RBM5: variants seen among roughly 807,000 people sequenced by gnomAD.
RBM5 encodes RNA binding motif protein 5, also known as RNA-binding protein 5.
A neutral mutation model predicts 124.6 loss-of-function variants in RBM5; 15 were observed. The ratio of observed to expected loss-of-function variants is 0.12; its 90% CI spans 0.08 to 0.19. The LOEUF (loss-of-function observed/expected upper bound fraction) is 0.19, where lower values mean the gene tolerates loss of function less well. Among genes scored for constraint, RBM5 ranks in the 10% least tolerant of loss-of-function variants. The pLI is 1.00. For missense variants in RBM5, 580 were observed against 1,026.5 expected (o/e 0.57, Z 5.94); for synonymous variants, 337 against 361.2 (o/e 0.93, Z 0.76).
chr3:50,104,584 A>C, intron 8 of RBM5: 1 of 417,498 alleles, frequency 2.4e-6, no homozygotes, highest in Middle Eastern at 7.1e-4. Flanking sequence ...TGAAGGCTGC[A>C]GTGAGCTATG....
chr3:50,115,933 A>T lies in RBM5; in HGVS notation c.2047A>T (p.Arg683Trp). The T allele has an allele frequency of 6.2e-7, 1 of 1,614,012 alleles. No individual in the cohort carries two copies. Among genetic ancestry groups the T allele is most frequent in the Non-Finnish European group, 8.5e-7 (1 of 1,179,850 alleles). Residue 683 changes from arginine to tryptophan, a missense_variant, in exon 22 of 25, where the codon AGG becomes TGG. Arg to Trp is a moderately radical substitution (Grantham distance 101). Around this residue, in one of 6 missense-constraint regions of RBM5, gnomAD observed 234 missense variants for 435.1 expected, o/e 0.54. Transcript: ENST00000347869. ...KQNMDIYRRS[R>W]LSEQELEALE... ...AAACATGGACATCTATCGACGATCC[A>T]GGCTGAGCGAGCAGGAGCTGGAAGC...
In RBM5 at chr3:50,113,945, A is replaced by G. The variant is rs750044412; in HGVS notation, c.1618-5A>G. 1.2e-6 allele frequency: 2 copies of G among 1,609,712 alleles called. No individual in the cohort carries two copies. Among genetic ancestry groups the G allele is most frequent in the Non-Finnish European group, 1.7e-6 (2 of 1,178,370 alleles). ...TTTTTGTTGGTGTTTGTTGTTTGAC[A>G]TTAGATTGCCAAAGACATGGAACGC... On this transcript the variant is annotated splice_region_variant and splice_polypyrimidine_tract_variant and intron_variant, in intron 18 of 24. Coordinates refer to ENST00000347869, the MANE Select transcript of RBM5 (RefSeq NM_005778.4).
At chr3:50,115,830 A>G in intron 21 of RBM5, 76 bp from the exon 22 acceptor site, 2 of 1,376,994 alleles carry the variant, frequency 1.5e-6, no homozygotes, top group Admixed American at 3.4e-5. Context: ...AAAGTACAGT[A>G]GATGTTACTA....
intron 14 of RBM5, 121 bp downstream of exon 14, chr3:50,108,425 A>G: frequency 2.0e-6 from 2 of 1,008,140 alleles, no homozygotes; most frequent in Non-Finnish European, 3.0e-6. Context: ...TGTAGGGGGC[A>G]TGGCCGGGCA....
In RBM5 at chr3:50,100,355, C is replaced by T. The variant is rs529077828; in HGVS notation, c.410-177C>T. 1.6e-5 allele frequency: 9 copies of T among 578,714 alleles called. No individual in the cohort carries two copies. Among genetic ancestry groups the T allele is most frequent in the Non-Finnish European group, 2.1e-5 (7 of 331,400 alleles). The allele number at this position is 578,714 out of a possible 1,614,324, so 35.8% of individuals were successfully genotyped here. ...CAAATGGAGTGGCATTTAGTTCAGG[C>T]GGCTTGTTCCTTGCCATGGCAAAGT... On this transcript the variant is annotated intron_variant, in intron 5 of 24. Coordinates refer to ENST00000347869, the MANE Select transcript of RBM5 (RefSeq NM_005778.4). This position sits in a 1 kb window ranked among gnomAD's most constrained non-coding sequence, Gnocchi z 5.1.
At chr3:50,116,076 A>G in intron 22 of RBM5, 96 bp downstream of exon 22, 1 of 1,232,276 alleles carries the variant, frequency 8.1e-7, no homozygotes, top group Admixed American at 1.8e-5. Context: ...GGGGCAGGGT[A>G]GGAGGATTTG....
At chr3:50,104,171 C>G in intron 7 of RBM5, 77 bp from the exon 8 acceptor site, 2 of 1,215,124 alleles carry the variant, frequency 1.6e-6, no homozygotes, top group Non-Finnish European at 2.4e-6. Flanking sequence ...GGGACCTACC[C>G]GTGGCCCCAC....
chr3:50,111,232 C>T (rs1478775872), intron 17 of RBM5, among the ~76,000 whole-genome samples: 2 of 152,154 alleles, frequency 1.3e-5, no homozygotes, highest in African/African-American at 4.8e-5. Context: ...TATTGTTTAA[C>T]CTTTTAGAGT....
At chr3:50,115,789 G>T in intron 21 of RBM5, 117 bp from the exon 22 acceptor site, 1 of 1,207,778 alleles carries the variant, frequency 8.3e-7, no homozygotes. Context: ...TAGTTTTTAT[G>T]TGATTGTGTA....
In RBM5 at chr3:50,110,366, C is replaced by T; in HGVS notation, c.1279-13C>T. 1 of 1,612,544 alleles carries T rather than the reference C, an allele frequency of 6.2e-7. No individual in the cohort carries two copies. Among genetic ancestry groups the T allele is most frequent in the Non-Finnish European group, 8.5e-7 (1 of 1,178,736 alleles). On this transcript the variant is annotated splice_polypyrimidine_tract_variant and intron_variant, in intron 15 of 24. Coordinates refer to ENST00000347869, the MANE Select transcript of RBM5 (RefSeq NM_005778.4). ...TACAGTTGAAATTATATTGAAGCTG[C>T]TGTTCTTTCCAGACTGAGGAAGCAC...
chr3:50,104,772 T>C, intron 8 of RBM5: 1 of 338,854 alleles, frequency 3.0e-6, no homozygotes, highest in Non-Finnish European at 5.4e-6. Flanking sequence ...TAGATAATGC[T>C]GCTCATGATT....
chr3:50,104,360 G>A (rs997699548), intron 8 of RBM5, 52 bp downstream of exon 8: 3 of 1,557,100 alleles, frequency 1.9e-6, no homozygotes, highest in Non-Finnish European at 2.7e-6. Flanking sequence ...ACTAACTGGG[G>A]CAGGGAGCAG....
Position 50,100,383 on chromosome 3 carries a change from C to A in RBM5, c.410-149C>A. The A allele has an allele frequency of 1.5e-6, 1 of 668,240 alleles. No individual in the cohort carries two copies. Among genetic ancestry groups the A allele is most frequent in the East Asian group, 2.7e-5 (1 of 36,832 alleles). The allele number at this position is 668,240 out of a possible 1,614,324, so 41.4% of individuals were successfully genotyped here. ...CTTGTTCCTTGCCATGGCAAAGTAT[C>A]AAGAAGATCCCCAAGTCAAGTCACA... On this transcript the variant is annotated intron_variant, in intron 5 of 24. Coordinates refer to ENST00000347869, the MANE Select transcript of RBM5 (RefSeq NM_005778.4). The surrounding 1 kb of genome is among the most constrained non-coding windows in gnomAD (Gnocchi z 5.1).
chr3:50,099,953 A>G (rs2090906773), intron 4 of RBM5, 29 bp from the exon 5 acceptor site: 1 of 1,599,782 alleles, frequency 6.3e-7, no homozygotes, highest in African/African-American at 1.3e-5. Context: ...CAAAAGCTTT[A>G]ACTGTAAATA....
At chr3:50,115,069 G>T in intron 20 of RBM5, 1 of 194,632 alleles carries the variant, frequency 5.1e-6, no homozygotes. Context: ...TTGGGAGGCT[G>T]AGACACTTGA....
At chr3:50,107,985 A>T (rs1359116156) in intron 12 of RBM5, 85 bp from the exon 13 acceptor site, 5 of 1,170,482 alleles carry the variant, frequency 4.3e-6, no homozygotes, top group Non-Finnish European at 6.4e-6. Flanking sequence ...AGCGCCCAGC[A>T]TCATGAGCTC....
rs1482169081 is a variant in RBM5 at position 50,115,681 on chromosome 3, G to C, written c.2019+74G>C. The C allele has an allele frequency of 1.5e-5, 23 of 1,506,624 alleles. No individual in the cohort carries two copies. The East Asian group carries it at 5.2e-4, about 34-fold the overall frequency. 93.3% of individuals were successfully genotyped at this position (1,506,624 alleles called of 1,614,324 possible). A position where few individuals can be genotyped will look rare whatever the true frequency, so the allele number is the denominator to read the frequency against. On this transcript the variant is annotated intron_variant, in intron 21 of 24. Transcript: ENST00000347869. ...ACAATTTGAGTGCCCTAACAGTCCT[G>C]ACGGTTCCAAAAATACCTGCCATCT...
chr3:50,092,112 A>G lies in RBM5; in HGVS notation c.87A>G (p.Glu29=). 6.2e-7 allele frequency: 1 copy of G among 1,614,042 alleles called. No individual in the cohort carries two copies. Among genetic ancestry groups the G allele is most frequent in the Non-Finnish European group, 8.5e-7 (1 of 1,179,950 alleles). ...ACAGGGATGACCGTGATGAGCGTGA[A>G]TCCCGAAGCAGGCGGAGGGACTCAG... is the stretch of plus-strand genomic sequence containing the variant. ...IIDRDDRDER[E]SRSRRRDSDY... The change falls in exon 3 of 25, where the codon GAA becomes GAG. Residue 29 remains glutamate (E), a synonymous_variant. Transcript: ENST00000347869.
rs755267269 is a variant in RBM5, at chr3:50,108,288, T to C, written c.1176T>C (p.Asp392=). The change falls in exon 14 of 25, where the codon GAT becomes GAC. Residue 392 remains aspartate (D), a synonymous_variant. Transcript: ENST00000347869. ...AACAAGCTGGAGGATTGGAATCTGA[T>C]GCATCATCTGCATCAGGTAGTAAAC... ...YQQQAGGLES[D]ASSASGTAVT... The C allele has an allele frequency of 3.9e-5, 63 of 1,610,200 alleles. 1 individual carries two copies. In the East Asian group the frequency reaches 1.3e-3, roughly 33 times the overall value.
Sources: allele counts gnomAD v4.1 joint callset (sites outside exome capture counted in the v4.1 genomes callset), GRCh38; gene constraint gnomAD v4.1.1; regional missense constraint gnomAD v4.1.1; non-coding constraint Gnocchi (gnomAD v3.1); transcripts MANE v1.5; gene names NCBI Gene and HGNC (gene_info 2026-07-23, HGNC 2026-07-21).